Variants in PTPRD observed in about 807,000 individuals in gnomAD.
PTPRD encodes the protein protein tyrosine phosphatase receptor type D, also known as receptor-type tyrosine-protein phosphatase delta.
PTPRD carries 34 observed loss-of-function variants against 214.5 expected under a neutral mutation model. The observed-to-expected ratio is 0.16, with a 90% confidence interval of 0.12 to 0.21. PTPRD has a LOEUF of 0.21. PTPRD is among the 10% of genes least tolerant of loss of function. PTPRD has a pLI of 1.00. For synonymous variants in PTPRD, 1,128 were observed against 845.7 expected (o/e 1.33, Z -5.79); for missense variants, 2,545 against 2,398.7 (o/e 1.06, Z -1.27).
intron 9 of PTPRD, among the ~76,000 whole-genome samples, chr9:9,185,263 T>A (rs1019888701): frequency 1.3e-5 from 2 of 152,044 alleles, no homozygotes; most frequent in African/African-American, 4.8e-5. Flanking sequence ...GCTTTTGAAG[T>A]CTAGACAAAA....
In PTPRD at chr9:9,175,056, C is replaced by T. The variant is rs10217276; in HGVS notation, c.-143+8248G>A. On this transcript the variant is annotated intron_variant, in intron 10 of 45. Transcript: ENST00000381196. ...TAGCCAGAAGACCCCATCTATGAAC[C>T]AGGAAATGATCCCTCACCAGACACC... Among the ~76,000 whole-genome samples the T allele has an allele frequency of 3.2e-3, 482 of 151,926 alleles. 2 individuals carry two copies. Among genetic ancestry groups the T allele is most frequent in the African/African-American group, 0.01 (428 of 41,438 alleles).
intron 12 of PTPRD, among the ~76,000 whole-genome samples, chr9:8,730,184 AG>A (rs1446324039): frequency 6.6e-6 from 1 of 152,182 alleles, no homozygotes; most frequent in Non-Finnish European, 1.5e-5. Flanking sequence ...TGAACCCAGG[AG>A]GCGGAGCTTG....
chr9:9,837,892 A>G (rs1044896452), intron 5 of PTPRD, among the ~76,000 whole-genome samples: 7 of 152,102 alleles, frequency 4.6e-5, no homozygotes, highest in African/African-American at 1.7e-4. Flanking sequence ...AGCATTAGGT[A>G]TATCTCCTAA....
intron 12 of PTPRD, among the ~76,000 whole-genome samples, chr9:8,639,397 A>G (rs2096525012): frequency 6.6e-6 from 1 of 151,970 alleles, no homozygotes. Flanking sequence ...CAATACTGTC[A>G]TTTTTAGCTA....
At chr9:9,505,663 C>A (rs1473834446) in intron 8 of PTPRD, among the ~76,000 whole-genome samples, 2 of 151,398 alleles carry the variant, frequency 1.3e-5, no homozygotes, top group Non-Finnish European at 3.0e-5. Flanking sequence ...GGCATGCTCA[C>A]ACAGGGAATC....
chr9:10,092,037 G>A (rs1266419448), intron 3 of PTPRD, among the ~76,000 whole-genome samples: 1 of 151,236 alleles, frequency 6.6e-6, no homozygotes, highest in Non-Finnish European at 1.5e-5. Flanking sequence ...CTGTCCACAA[G>A]CTTAAAAATG....
chr9:9,071,689 T>C (rs908250044), intron 10 of PTPRD, among the ~76,000 whole-genome samples: 1 of 152,058 alleles, frequency 6.6e-6, no homozygotes, highest in African/African-American at 2.4e-5. Context: ...CAATCAAACC[T>C]ACAGATGAAA....
intron 10 of PTPRD, among the ~76,000 whole-genome samples, chr9:9,151,046 A>G (rs1398910685): frequency 6.6e-6 from 1 of 152,224 alleles, no homozygotes. Flanking sequence ...CTATGCAGCC[A>G]TTATAATTAA....
chr9:10,223,691 TA>T (rs2099579298), intron 3 of PTPRD, among the ~76,000 whole-genome samples: 6 of 89,230 alleles, frequency 6.7e-5, no homozygotes, highest in African/African-American at 1.5e-4. Flanking sequence ...ATAATAATAA[TA>T]ATAATAATAA....
intron 7 of PTPRD, among the ~76,000 whole-genome samples, chr9:9,695,960 G>C (rs1595454692): frequency 6.6e-6 from 1 of 151,822 alleles, no homozygotes; most frequent in East Asian, 1.9e-4. Context: ...TTTTTAGTTT[G>C]AATACAATTG....
chr9:9,934,962 C>A (rs1254951706), intron 5 of PTPRD, among the ~76,000 whole-genome samples: 2 of 152,026 alleles, frequency 1.3e-5, no homozygotes, highest in African/African-American at 4.8e-5. Context: ...ATAAACAGAG[C>A]CAAAGACAAA....
intron 11 of PTPRD, among the ~76,000 whole-genome samples, chr9:8,945,041 C>T (rs1281772729): frequency 1.3e-5 from 2 of 151,796 alleles, no homozygotes; most frequent in East Asian, 1.9e-4. Flanking sequence ...TTACTATGTA[C>T]TCATGAAAAT....
At chr9:9,203,788 T>G (rs1446546682) in intron 9 of PTPRD, among the ~76,000 whole-genome samples, 2 of 152,170 alleles carry the variant, frequency 1.3e-5, no homozygotes, top group Non-Finnish European at 1.5e-5. Flanking sequence ...AATACATGCT[T>G]TATAGCAAAG....
intron 8 of PTPRD, among the ~76,000 whole-genome samples, chr9:9,423,420 T>G (rs977009762): frequency 6.6e-6 from 1 of 152,312 alleles, no homozygotes; most frequent in South Asian, 2.1e-4. Context: ...CCTCTTGATC[T>G]TGGACTTCTC....
intron 39 of PTPRD, among the ~76,000 whole-genome samples, chr9:8,373,742 G>A (rs955767486): frequency 6.6e-6 from 1 of 151,336 alleles, no homozygotes; most frequent in Non-Finnish European, 1.5e-5. Flanking sequence ...ATCTGTCACG[G>A]TGCCTAGCAT....
At chr9:8,448,053 G>C (rs1459382891) in intron 34 of PTPRD, among the ~76,000 whole-genome samples, 1 of 152,126 alleles carries the variant, frequency 6.6e-6, no homozygotes, top group Admixed American at 6.6e-5. Context: ...GGCCAGGAGT[G>C]GTGGCTAATG....
At chr9:8,799,503 G>T (rs974881027) in intron 11 of PTPRD, among the ~76,000 whole-genome samples, 8 of 152,200 alleles carry the variant, frequency 5.3e-5, no homozygotes, top group Non-Finnish European at 1.0e-4. Context: ...GCATTTGGTT[G>T]ACAGGCAGTA....
At chr9:9,410,403 T>G (rs183639077) in intron 8 of PTPRD, among the ~76,000 whole-genome samples, 1 of 152,208 alleles carries the variant, frequency 6.6e-6, no homozygotes, top group African/African-American at 2.4e-5. Context: ...TCATTGCCAT[T>G]CATATTTCAT....
At chr9:10,296,634 C>G (rs1309824222) in intron 3 of PTPRD, among the ~76,000 whole-genome samples, 1 of 151,994 alleles carries the variant, frequency 6.6e-6, no homozygotes, top group Non-Finnish European at 1.5e-5. Context: ...GCTGTCTGTG[C>G]AGTGAGCTGC....
Sources: gnomAD v4.1 joint callset for allele counts (sites outside exome capture counted in the v4.1 genomes callset) on GRCh38, gnomAD v4.1.1 for gene constraint, MANE v1.5 for transcripts, NCBI Gene and HGNC (gene_info 2026-07-23, HGNC 2026-07-21) for gene names.